SHANK1: variants seen among roughly 807,000 people sequenced by gnomAD.
SHANK1 encodes SH3 and multiple ankyrin repeat domains protein 1.
Under a neutral mutation model 165.6 loss-of-function variants are expected in SHANK1, and 35 were observed. The observed-to-expected ratio is 0.21, with a 90% CI of 0.16 to 0.28. SHANK1 has a LOEUF of 0.28. Among genes scored for constraint, SHANK1 ranks in the 10% least tolerant of loss-of-function variants. The pLI, the probability that SHANK1 is intolerant of heterozygous loss-of-function variation, is 1.00. For synonymous variants in SHANK1, 1,428 were observed against 1,384.8 expected (o/e 1.03, Z -0.69); for missense variants, 2,681 against 3,036.4 (o/e 0.88, Z 2.75).
intron 6 of SHANK1, 76 bp from the exon 7 acceptor site, chr19:50,712,190 G>C: frequency 6.8e-7 from 1 of 1,475,910 alleles, no homozygotes; most frequent in Non-Finnish European, 9.1e-7. Context: ...TGAAGGGCCA[G>C]GGGGACTGGA....
At chr19:50,701,812 C>T (rs1211763308) in intron 12 of SHANK1, among the ~76,000 whole-genome samples, 3 of 152,200 alleles carry the variant, frequency 2.0e-5, no homozygotes, top group South Asian at 2.1e-4. Flanking sequence ...TCCAAGAACA[C>T]GTCAGCAGCC....
At position 50,713,686 on chromosome 19, in the gene SHANK1, G is replaced by T; in HGVS notation, c.792+112C>A. The T allele has an allele frequency of 1.5e-6, 2 of 1,364,620 alleles. No homozygotes were observed. Among genetic ancestry groups the T allele is most frequent in the Non-Finnish European group, 2.0e-6 (2 of 987,374 alleles). The allele number at this position is 1,364,620 out of a possible 1,614,324, so 84.5% of individuals were successfully genotyped here. On this transcript the variant is annotated intron_variant, in intron 6 of 23. Transcript: ENST00000293441. The surrounding 1 kb of genome is among the most constrained non-coding windows in gnomAD (Gnocchi z 6.2). ...CTATGGAAAGGGGCTTTGAACTGGG[G>T]ACATGAGAGGGCCTATTTTTAACTG...
chr19:50,663,940 C>CTCTTTTT (rs370276151), intron 23 of SHANK1, among the ~76,000 whole-genome samples: 125 of 108,912 alleles, frequency 1.1e-3, no homozygotes, highest in African/African-American at 2.5e-3. Context: ...CTCTCTCTCT[C>CTCTTTTT]TTTTTTTTTT....
chr19:50,677,725 C>A (rs1302221333), intron 21 of SHANK1, among the ~76,000 whole-genome samples: 1 of 152,154 alleles, frequency 6.6e-6, no homozygotes, highest in East Asian at 1.9e-4. Flanking sequence ...AAAACCCCAG[C>A]CTGTTCCTCT....
rs565679957 is a variant in SHANK1 at position 50,674,119 on chromosome 19, G to A, written c.2578-2005C>T. On this transcript the variant is annotated intron_variant, in intron 21 of 23. Coordinates refer to ENST00000293441, the MANE Select transcript of SHANK1 (RefSeq NM_016148.5). Reference sequence around the variant, plus strand: ...TATTTTTTTTTTTTTTAATGCAGAAGGGCAAAAGTGCCTAAGGTTCATGGA... The same window carrying A: ...TATTTTTTTTTTTTTTAATGCAGAAAGGCAAAAGTGCCTAAGGTTCATGGA... Among the ~76,000 whole-genome samples, 49 of 150,536 alleles carry A rather than the reference G, an allele frequency of 3.3e-4. No individual in the cohort carries two copies. In the South Asian group the frequency reaches 4.8e-3, roughly 15 times the overall value.
At position 50,716,445 on chromosome 19, in the gene SHANK1, A is replaced by G; in HGVS notation, c.289T>C (p.Trp97Arg). The change falls in exon 3 of 24, where the codon TGG becomes CGG. Residue 97 changes from tryptophan (W) to arginine (R), a missense_variant. Physicochemically the swap from Trp to Arg is moderately radical, Grantham distance 101. Around this residue, in one of 10 missense-constraint regions of SHANK1, gnomAD observed 189 missense variants for 440.9 expected, o/e 0.43. Transcript: ENST00000293441. The surrounding 1 kb of genome is among the most constrained non-coding windows in gnomAD (Gnocchi z 8.4). Reference sequence around the variant, plus strand: ...CAGAGCACCTGCTGCTTGGCCGTCCAGATGGTGGCATCGGGGTTGAAGCGA... The same window carrying G: ...CAGAGCACCTGCTGCTTGGCCGTCCGGATGGTGGCATCGGGGTTGAAGCGA... ...CLRFNPDATI[W>R]TAKQQVLCAL... 6.2e-7 allele frequency: 1 copy of G among 1,614,190 alleles called. No individual in the cohort carries two copies. The highest frequency in any genetic ancestry group is 1.1e-5 in the South Asian group (1 of 91,078).
Position 50,702,636 on chromosome 19 carries a change from C to A in SHANK1, c.1578G>T (p.Gly526=), listed in dbSNP as rs781390715. ...RPSSSGTPRE[G]PAGGTGGSGG... is the part of the protein sequence containing the mutation. ...CTGAGCCCCCCGTGCCCCCGGCTGG[C>A]CCTTCCCGGGGTGTCCCGCTGGAGC... Residue 526 remains glycine (G), a synonymous_variant, in exon 12 of 24, where the codon GGG becomes GGT. Transcript: ENST00000293441. This position sits in a 1 kb window ranked among gnomAD's most constrained non-coding sequence, Gnocchi z 5.3. The A allele has an allele frequency of 6.3e-7, 1 of 1,579,084 alleles. No individual in the cohort carries two copies. Among genetic ancestry groups the A allele is most frequent in the Non-Finnish European group, 8.6e-7 (1 of 1,163,938 alleles).
At chr19:50,707,235 C>T (rs1253699451) in intron 8 of SHANK1, among the ~76,000 whole-genome samples, 1 of 152,138 alleles carries the variant, frequency 6.6e-6, no homozygotes, top group Non-Finnish European at 1.5e-5. Context: ...TGTACAGGGG[C>T]ATGATTTTGC....
rs115715073 is a variant in SHANK1 at position 50,683,914 on chromosome 19, C to A, written c.2577+2323G>T. On this transcript the variant is annotated intron_variant, in intron 21 of 23. Transcript: ENST00000293441. ...ACAGCGCAGATGTTAGAAACTATGA[C>A]GGACAGGAAGAGGTCTTGGACTTTG... is the stretch of plus-strand genomic sequence containing the variant. Among the ~76,000 whole-genome samples the A allele has an allele frequency of 5.5e-3, 842 of 152,250 alleles. 11 individuals are homozygous for A. The highest frequency in any genetic ancestry group is 0.02 in the African/African-American group (811 of 41,536).
intron 12 of SHANK1, among the ~76,000 whole-genome samples, chr19:50,698,626 C>T (rs187338000): frequency 1.5e-4 from 23 of 152,154 alleles, no homozygotes; most frequent in Non-Finnish European, 2.2e-4. Flanking sequence ...AATGCGTATC[C>T]AACTCTCACC....
rs1328943246 is a variant in SHANK1, at chr19:50,716,170, G to C, written c.459+105C>G. 3.8e-6 allele frequency: 4 copies of C among 1,043,300 alleles called. No homozygotes were observed. The highest frequency in any genetic ancestry group is 5.9e-6 in the Non-Finnish European group (4 of 680,152). The allele number at this position is 1,043,300 out of a possible 1,614,324, so 64.6% of individuals were successfully genotyped here. A position where few individuals can be genotyped will look rare whatever the true frequency, so the allele number is the denominator to read the frequency against. ...TTAGAAGGTCTGGACTCGCACACTGGGTGCCCCCTCGTTAAGGTTTCGAGT... is the reference window on the plus strand; with the variant it reads ...TTAGAAGGTCTGGACTCGCACACTGCGTGCCCCCTCGTTAAGGTTTCGAGT... On this transcript the variant is annotated intron_variant, in intron 3 of 23. Transcript: ENST00000293441. The surrounding 1 kb of genome is among the most constrained non-coding windows in gnomAD (Gnocchi z 8.4).
Position 50,668,223 on chromosome 19 carries a change from C to A in SHANK1, c.3737G>T (p.Trp1246Leu). Residue 1246 changes from tryptophan to leucine, a missense_variant, in exon 23 of 24, where the codon TGG (tryptophan) becomes TTG (leucine). Around this residue, in one of 10 missense-constraint regions of SHANK1, gnomAD observed 1,713 missense variants for 1,630.2 expected, o/e 1.05. Coordinates refer to ENST00000293441, the MANE Select transcript of SHANK1 (RefSeq NM_016148.5). ...GGAGCGCCGGCGCGCCTCATTCTGC[C>A]AGCCCCCCTCCCTCCGGGCCGCCCC... ...LVGAARREGGWQNEARRRSTL... is the reference protein window; with the variant it reads ...LVGAARREGGLQNEARRRSTL... 1 of 1,491,256 alleles carries A rather than the reference C, an allele frequency of 6.7e-7. No homozygotes were observed. Among genetic ancestry groups the A allele is most frequent in the Non-Finnish European group, 8.8e-7 (1 of 1,134,026 alleles). The allele number at this position is 1,491,256 out of a possible 1,614,324, so 92.4% of individuals were successfully genotyped here.
intron 15 of SHANK1, among the ~76,000 whole-genome samples, chr19:50,693,647 C>A (rs1162035047): frequency 6.6e-6 from 1 of 152,116 alleles, no homozygotes; most frequent in African/African-American, 2.4e-5. Flanking sequence ...CGGGCGCACC[C>A]CCAACCCCGC....
intron 7 of SHANK1, 55 bp from the exon 8 acceptor site, chr19:50,711,542 G>A (rs1305562863): frequency 1.5e-6 from 2 of 1,298,312 alleles, no homozygotes; most frequent in Middle Eastern, 1.8e-4. Context: ...TTCTCCCTCT[G>A]GGCCAAGAGT....
At chr19:50,691,356 C>G (rs1289005539) in intron 15 of SHANK1, among the ~76,000 whole-genome samples, 3 of 152,056 alleles carry the variant, frequency 2.0e-5, no homozygotes, top group Non-Finnish European at 2.9e-5. Context: ...GTCTCCAAGG[C>G]CCCCCAGCAG....
rs1381449571 is a variant in SHANK1, at chr19:50,666,277, G to C, written c.5683C>G (p.Arg1895Gly). The stretch of plus-strand genomic sequence containing the variant: ...TCTCCGCCTCCCCCACTGCCTCCTC[G>C]GGCCCAGGGCAGAGCGCCGCCAGCT... ...SAAGGALPWA[R>G]GGSGGGGDSH... is the part of the protein sequence containing the mutation. The change falls in exon 23 of 24, where the codon CGA becomes GGA. Residue 1895 changes from arginine to glycine, a missense_variant. Physicochemically the swap from Arg to Gly is moderately radical, Grantham distance 125. Coordinates refer to ENST00000293441, the MANE Select transcript of SHANK1 (RefSeq NM_016148.5). The C allele has an allele frequency of 3.7e-6, 6 of 1,611,286 alleles. No homozygotes were observed. Among genetic ancestry groups the C allele is most frequent in the South Asian group, 2.2e-5 (2 of 90,700 alleles).
chr19:50,675,061 C>CAAAAA (rs10560370), intron 21 of SHANK1, among the ~76,000 whole-genome samples: 1 of 85,700 alleles, frequency 1.2e-5, no homozygotes, highest in Non-Finnish European at 2.2e-5. Flanking sequence ...CACTCGGTCT[C>CAAAAA]AAAAAAAAAA....
chr19:50,687,575 G>A lies in SHANK1; in HGVS notation c.2389+7C>T, dbSNP rs1219011145. On this transcript the variant is annotated splice_region_variant and intron_variant, in intron 19 of 23. Coordinates refer to ENST00000293441, the MANE Select transcript of SHANK1 (RefSeq NM_016148.5). ...GCCCCCTGGCCTCAGCAGCCCCGCA[G>A]GCTCACCCATCTCCTCCAGCTCTGA... The A allele has an allele frequency of 1.3e-6, 2 of 1,547,358 alleles. No homozygotes were observed. The highest frequency in any genetic ancestry group is 2.0e-5 in the Admixed American group (1 of 50,058).
chr19:50,689,623 T>C (rs1195831517), intron 15 of SHANK1, among the ~76,000 whole-genome samples: 1 of 152,176 alleles, frequency 6.6e-6, no homozygotes, highest in South Asian at 2.1e-4. Context: ...AGTCACTTCC[T>C]GCCTATGACC....
Sources: gnomAD v4.1 joint callset for allele counts (sites outside exome capture counted in the v4.1 genomes callset) on GRCh38, gnomAD v4.1.1 for gene constraint, gnomAD v4.1.1 regional missense constraint, Gnocchi (gnomAD v3.1) non-coding constraint, MANE v1.5 for transcripts, NCBI Gene and HGNC (gene_info 2026-07-23, HGNC 2026-07-21) for gene names.